Variants in MSRA observed in about 807,000 individuals in gnomAD.
The protein encoded by MSRA is mitochondrial peptide methionine sulfoxide reductase.
In MSRA, 54 loss-of-function variants were observed where a neutral mutation model predicts 31.3. The observed-to-expected ratio is 1.73, with a 90% confidence interval of 1.39 to 2.17. The LOEUF is 2.17. MSRA is among the 30% of genes most tolerant of loss of function. The probability of loss-of-function intolerance (pLI) is 0.00; values close to 1 mark genes in which losing one functional copy is unlikely to be tolerated. For missense variants in MSRA, 507 were observed against 300.9 expected, an observed-to-expected ratio of 1.69 and a Z score of -5.07; for synonymous variants, 169 against 116.5, an observed-to-expected ratio of 1.45 and a Z score of -2.90.
At chr8:10,143,191 G>A (rs1457467361) in intron 1 of MSRA, among the ~76,000 whole-genome samples, 2 of 151,846 alleles carry the variant, frequency 1.3e-5, no homozygotes, top group Non-Finnish European at 1.5e-5. Context: ...GAGCTGAAAT[G>A]TGCTTAATTG....
At chr8:10,149,691 T>C (rs1803490976) in intron 1 of MSRA, among the ~76,000 whole-genome samples, 1 of 151,938 alleles carries the variant, frequency 6.6e-6, no homozygotes. Context: ...AGTGGTGGTA[T>C]GGAGTTCTCT....
chr8:10,235,424 A>C (rs28418846), intron 2 of MSRA, among the ~76,000 whole-genome samples: 3,049 of 152,258 alleles, frequency 0.02, 100 homozygotes, highest in African/African-American at 0.07. Context: ...GGTTAAAAAC[A>C]TGTATTAGAA....
At chr8:10,323,574 A>T (rs1035738868) in intron 5 of MSRA, among the ~76,000 whole-genome samples, 1 of 152,180 alleles carries the variant, frequency 6.6e-6, no homozygotes, top group African/African-American at 2.4e-5. Context: ...TTGATTTTAG[A>T]TAAATGATAT....
chr8:10,245,025 A>T, intron 2 of MSRA, 79 bp from the exon 3 acceptor site: 1 of 1,337,642 alleles, frequency 7.5e-7, no homozygotes, highest in Non-Finnish European at 1.0e-6. Flanking sequence ...TTCTTCATGT[A>T]ACAGGTGTAT....
chr8:10,240,986 G>A (rs527415695), intron 2 of MSRA, among the ~76,000 whole-genome samples: 158 of 152,110 alleles, frequency 1.0e-3, no homozygotes, highest in African/African-American at 3.5e-3. Flanking sequence ...CAGCTCACGC[G>A]TGCCCTCTGG....
chr8:10,081,229 C>A (rs901450558), intron 1 of MSRA, among the ~76,000 whole-genome samples: 4 of 152,148 alleles, frequency 2.6e-5, no homozygotes, highest in Non-Finnish European at 5.9e-5. Flanking sequence ...CGTGGAGGGG[C>A]CTGCTCTGAG....
At chr8:10,364,408 G>C (rs1360990516) in intron 5 of MSRA, among the ~76,000 whole-genome samples, 1 of 152,210 alleles carries the variant, frequency 6.6e-6, no homozygotes. Flanking sequence ...CATCCTTGGC[G>C]AATCTCCATC....
At chr8:10,308,563 C>G (rs371826299) in intron 4 of MSRA, among the ~76,000 whole-genome samples, 1 of 152,198 alleles carries the variant, frequency 6.6e-6, no homozygotes, top group African/African-American at 2.4e-5. Flanking sequence ...GCCGGTTGCC[C>G]GATTTCTTTG....
At chr8:10,366,223 C>G (rs1805157065) in intron 5 of MSRA, among the ~76,000 whole-genome samples, 1 of 152,234 alleles carries the variant, frequency 6.6e-6, no homozygotes, top group South Asian at 2.1e-4. Context: ...TTTAGGGAAG[C>G]TGTTCCAGGC....
At chr8:10,115,325 C>T (rs543567457) in intron 1 of MSRA, among the ~76,000 whole-genome samples, 10 of 152,256 alleles carry the variant, frequency 6.6e-5, no homozygotes, top group Admixed American at 3.3e-4. Flanking sequence ...AGCCTCACAG[C>T]GAAGAGGCCA....
intron 1 of MSRA, among the ~76,000 whole-genome samples, chr8:10,165,662 C>T (rs896618099): frequency 2.6e-5 from 4 of 152,114 alleles, no homozygotes; most frequent in African/African-American, 9.7e-5. Flanking sequence ...TACGTCCTAA[C>T]CCCCAAATCA....
intron 1 of MSRA, among the ~76,000 whole-genome samples, chr8:10,140,684 C>A (rs909256347): frequency 6.6e-6 from 1 of 152,090 alleles, no homozygotes. Context: ...CATTTTCTAT[C>A]AGAAGTTACC....
At chr8:10,385,829 A>C (rs1806357290) in intron 5 of MSRA, among the ~76,000 whole-genome samples, 1 of 152,088 alleles carries the variant, frequency 6.6e-6, no homozygotes, top group African/African-American at 2.4e-5. Context: ...TCTTCCTAAA[A>C]AAGCAGGTGA....
intron 1 of MSRA, among the ~76,000 whole-genome samples, chr8:10,151,019 TG>T (rs896969781): frequency 3.3e-5 from 5 of 150,906 alleles, no homozygotes; most frequent in Admixed American, 1.3e-4. Context: ...TGGGCAGTGA[TG>T]GGGGGGTGGG....
chr8:10,164,186 A>G (rs1345439336), intron 1 of MSRA, among the ~76,000 whole-genome samples: 1 of 152,256 alleles, frequency 6.6e-6, no homozygotes, highest in Non-Finnish European at 1.5e-5. Flanking sequence ...AGGTGTTAGC[A>G]GGTATCATTC....
intron 5 of MSRA, among the ~76,000 whole-genome samples, chr8:10,323,089 C>CCAAA (rs1321500290): frequency 8.9e-6 from 1 of 112,300 alleles, no homozygotes. Context: ...GACTCCATCT[C>CCAAA]AAAAAAAAAA....
Position 10,207,913 on chromosome 8 carries a change from A to G in MSRA, c.211+12A>G, listed in dbSNP as rs544689995. The G allele has an allele frequency of 8.7e-6, 14 of 1,606,950 alleles. No individual in the cohort carries two copies. Among genetic ancestry groups the G allele is most frequent in the Middle Eastern group, 1.7e-4 (1 of 5,996 alleles). The stretch of plus-strand genomic sequence containing the variant: ...GATGGCTGTATTTGGTAAGATATCA[A>G]TTCTGAAAGAAAACCCAAATTGTGT... On this transcript the variant is annotated intron_variant, in intron 2 of 5. Transcript: ENST00000317173.
chr8:10,303,257 T>A (rs1800944213), intron 4 of MSRA, among the ~76,000 whole-genome samples: 1 of 152,226 alleles, frequency 6.6e-6, no homozygotes, highest in Non-Finnish European at 1.5e-5. Context: ...CTGGCAGAAT[T>A]GTAAAGAAGG....
intron 5 of MSRA, among the ~76,000 whole-genome samples, chr8:10,382,267 C>T (rs564504747): frequency 6.6e-6 from 1 of 152,210 alleles, no homozygotes; most frequent in Non-Finnish European, 1.5e-5. Flanking sequence ...GCCCAGGAGC[C>T]TTCAGGCTTG....
Sources: allele counts gnomAD v4.1 joint callset (sites outside exome capture counted in the v4.1 genomes callset), GRCh38; gene constraint gnomAD v4.1.1; transcripts MANE v1.5; gene names NCBI Gene and HGNC (gene_info 2026-07-23, HGNC 2026-07-21).